The following MT4 variants were observed in gnomAD, a reference collection of about 807,000 sequenced individuals.
MT4 encodes the protein metallothionein-4.
Under a neutral mutation model 9.5 loss-of-function variants are expected in MT4, and 11 were observed. The observed-to-expected ratio is 1.16, with a 90% CI of 0.73 to 1.92. The LOEUF is 1.92. Ranked by LOEUF, MT4 falls within the 30% of genes most tolerant of loss-of-function variation. MT4 has a pLI of 0.00. For missense variants in MT4, 88 were observed against 78.7 expected (o/e 1.12, Z -0.45); for synonymous variants, 29 against 24.6 (o/e 1.18, Z -0.53).
At chr16:56,566,843 GAAAGAAAGAAAGAAA>G (rs1959542393) in intron 1 of MT4, among the ~76,000 whole-genome samples, 1 of 133,736 alleles carries the variant, frequency 7.5e-6, no homozygotes, top group African/African-American at 2.6e-5. Flanking sequence ...AAGAAAGAAA[GAAAGAAAGAAAGAAA>G]TGAGGGAGAG....
Position 56,565,119 on chromosome 16 carries a change from CA to C in MT4, c.-9del. On this transcript the variant is annotated 5_prime_UTR_variant, in exon 1 of 3. Coordinates refer to ENST00000219162, the MANE Select transcript of MT4 (RefSeq NM_032935.3). The stretch of plus-strand genomic sequence containing the variant: ...CGTGACAGCACTGGAGCCTTTCGGA[CA>C]CCTGGACCATGGACCCCAGGGAATG... 6.2e-7 allele frequency: 1 copy of C among 1,613,264 alleles called. No individual in the cohort carries two copies. The highest frequency in any genetic ancestry group is 8.5e-7 in the Non-Finnish European group (1 of 1,179,640).
chr16:56,568,244 A>AG (rs1491263515), intron 2 of MT4, among the ~76,000 whole-genome samples: 9 of 27,966 alleles, frequency 3.2e-4, no homozygotes, highest in East Asian at 2.3e-3. Flanking sequence ...AGAAAGAAAG[A>AG]AAGAAAGAAA....
Position 56,568,913 on chromosome 16 carries a change from A to C in MT4, c.170A>C (p.Lys57Thr). The C allele has an allele frequency of 6.2e-7, 1 of 1,605,800 alleles. No homozygotes were observed. Among genetic ancestry groups the C allele is most frequent in the Non-Finnish European group, 8.5e-7 (1 of 1,175,632 alleles). Residue 57 changes from lysine (K) to threonine (T), a missense_variant, in exon 3 of 3, where the codon AAG becomes ACG. Coordinates refer to ENST00000219162, the MANE Select transcript of MT4 (RefSeq NM_032935.3). ...RGCICKGGSD[K>T]CSCCP ...TGCATCTGCAAAGGAGGCTCAGACA[A>C]GTGCAGCTGCTGCCCATGAAAGCCA...
chr16:56,568,338 A>G (rs1331307272), intron 2 of MT4, among the ~76,000 whole-genome samples: 5 of 151,004 alleles, frequency 3.3e-5, no homozygotes, highest in African/African-American at 1.2e-4. Flanking sequence ...AGAAAGAAAG[A>G]TCCCATCCCC....
chr16:56,568,595 T>A (rs1428004363), intron 2 of MT4, among the ~76,000 whole-genome samples: 2 of 152,166 alleles, frequency 1.3e-5, no homozygotes, highest in African/African-American at 4.8e-5. Context: ...GTCTTGCTTT[T>A]GCCACTGTCT....
At chr16:56,568,309 G>T (rs990319912) in intron 2 of MT4, among the ~76,000 whole-genome samples, 1 of 145,810 alleles carries the variant, frequency 6.9e-6, no homozygotes, top group Admixed American at 6.8e-5. Flanking sequence ...AAGAAAGAAA[G>T]AAAGAAAGAA....
rs760340347 is a variant in MT4 at position 56,567,827 on chromosome 16, T to A, written c.97+11T>A. 3.1e-6 allele frequency: 5 copies of A among 1,609,328 alleles called. No homozygotes were observed. The Admixed American group carries it at 5.0e-5, about 16-fold the overall frequency. ...AAACATATTGGAAGAGTGAGTATGG[T>A]GACTGGGGGCACCATGGGCTGGGAG... On this transcript the variant is annotated intron_variant, in intron 2 of 2. Transcript: ENST00000219162.
At chr16:56,568,739 C>A in intron 2 of MT4, 102 bp from the exon 3 acceptor site, 1 of 784,406 alleles carries the variant, frequency 1.3e-6, no homozygotes, top group Non-Finnish European at 2.0e-6. Context: ...AAACCTCATG[C>A]ACACACCCCT....
At chr16:56,568,285 G>GAAAA (rs1281593337) in intron 2 of MT4, among the ~76,000 whole-genome samples, 1 of 131,380 alleles carries the variant, frequency 7.6e-6, no homozygotes, top group African/African-American at 3.3e-5. Flanking sequence ...AAGAAAGAAA[G>GAAAA]AAAGAAAGAA....
chr16:56,568,639 C>T (rs1443087962), intron 2 of MT4, among the ~76,000 whole-genome samples: 1 of 152,178 alleles, frequency 6.6e-6, no homozygotes, highest in African/African-American at 2.4e-5. Context: ...CTTCTGTGGG[C>T]TTCTGATGGA....
Position 56,568,907 on chromosome 16 carries a change from C to T in MT4, c.164C>T (p.Ser55Leu), listed in dbSNP as rs1435177740. Reference protein sequence around the residue: ...CARGCICKGGSDKCSCCP With the variant: ...CARGCICKGGLDKCSCCP ...CGGGGCTGCATCTGCAAAGGAGGCT[C>T]AGACAAGTGCAGCTGCTGCCCATGA... is the stretch of plus-strand genomic sequence containing the variant. Residue 55 changes from serine (S) to leucine (L), a missense_variant, in exon 3 of 3, where the codon TCA becomes TTA. Transcript: ENST00000219162. 3 of 1,606,544 alleles carry T rather than the reference C, an allele frequency of 1.9e-6. No individual in the cohort carries two copies. The highest frequency in any genetic ancestry group is 1.7e-5 in the Admixed American group (1 of 58,992).
In MT4 at chr16:56,568,849, C is replaced by T. The variant is rs972043345; in HGVS notation, c.106C>T (p.Pro36Ser). Residue 36 changes from proline (P) to serine (S), a missense_variant, in exon 3 of 3, where the codon CCC becomes TCC. Coordinates refer to ENST00000219162, the MANE Select transcript of MT4 (RefSeq NM_032935.3). ...NCKTYWKSCC[P>S]CCPPGCAKCA... is the part of the protein sequence containing the mutation. The stretch of plus-strand genomic sequence containing the variant: ...TCTCCTGACTCTTTCAGGCTGCTGT[C>T]CCTGCTGCCCCCCGGGCTGTGCCAA... 1 of 1,603,354 alleles carries T rather than the reference C, an allele frequency of 6.2e-7. No individual in the cohort carries two copies. Among genetic ancestry groups the T allele is most frequent in the Non-Finnish European group, 8.5e-7 (1 of 1,174,516 alleles).
At chr16:56,566,803 AAAGAAAGAAAG>A (rs1325658260) in intron 1 of MT4, among the ~76,000 whole-genome samples, 1 of 46,314 alleles carries the variant, frequency 2.2e-5, no homozygotes, top group African/African-American at 6.3e-5. Flanking sequence ...AGAAAGAAAG[AAAGAAAGAAAG>A]AAAGAAAAGA....
intron 2 of MT4, among the ~76,000 whole-genome samples, chr16:56,568,347 C>T (rs1438560405): frequency 2.0e-5 from 3 of 149,534 alleles, no homozygotes; most frequent in African/African-American, 7.4e-5. Context: ...GATCCCATCC[C>T]CACCCTCAAT....
Position 56,568,219 on chromosome 16 carries a change from GAA to G in MT4, c.97+405_97+406del, listed in dbSNP as rs1484091784. Among the ~76,000 whole-genome samples the G allele has an allele frequency of 6.9e-4, 16 of 23,284 alleles. 1 individual carries two copies. The highest frequency in any genetic ancestry group is 0.029 in the Middle Eastern group (1 of 34). 15.3% of individuals were successfully genotyped at this position (23,284 alleles called of 152,430 possible). ...AGGAAGAGAGAGAGAGAGAGAGAAA[GAA>G]AGAAAGAAAGAAAGAAAGAAAGAAA... On this transcript the variant is annotated intron_variant, in intron 2 of 2. Coordinates refer to ENST00000219162, the MANE Select transcript of MT4 (RefSeq NM_032935.3).
chr16:56,567,716 CCTCACGTTTGTGGTGG>C lies in MT4; in HGVS notation c.32-31_32-16del, dbSNP rs768913338. On this transcript the variant is annotated intron_variant, in intron 1 of 2. Transcript: ENST00000219162. ...CTTATGTTCCCCACTCCATCTCCATCCTCACGTTTGTGGTGGCTCTGTCCTGTCTTCTAGGAGGAAT... is the reference window on the plus strand; with the variant it reads ...CTTATGTTCCCCACTCCATCTCCATCCTCTGTCCTGTCTTCTAGGAGGAAT... 33 of 1,601,782 alleles carry C rather than the reference CCTCACGTTTGTGGTGG, an allele frequency of 2.1e-5. 1 individual carries two copies. The South Asian group carries it at 3.6e-4, about 18-fold the overall frequency.
At chr16:56,568,747 C>A (rs1328127786) in intron 2 of MT4, 94 bp from the exon 3 acceptor site, 3 of 842,332 alleles carry the variant, frequency 3.6e-6, no homozygotes, top group Non-Finnish European at 1.8e-6. Flanking sequence ...TGCACACACC[C>A]CTCTTTTCCT....
chr16:56,565,224 G>A (rs1252521478), intron 1 of MT4, 65 bp downstream of exon 1: 3 of 1,560,182 alleles, frequency 1.9e-6, no homozygotes, highest in Non-Finnish European at 8.7e-7. Flanking sequence ...GGAGCCTGCA[G>A]GTCCCTGATG....
Sources: allele counts gnomAD v4.1 joint callset (sites outside exome capture counted in the v4.1 genomes callset), GRCh38; gene constraint gnomAD v4.1.1; transcripts MANE v1.5; gene names NCBI Gene and HGNC (gene_info 2026-07-23, HGNC 2026-07-21).